Variants in SLC35D4 observed in about 807,000 individuals in gnomAD.
SLC35D4 encodes the protein solute carrier family 35 member D4, also known as UDP-N-acetylglucosamine transporter SLC35D4.
the SLC35D4 span, among the ~76,000 whole-genome samples, chr18:23,322,868 C>G: frequency 6.6e-6 from 1 of 152,174 alleles, no homozygotes; most frequent in Non-Finnish European, 1.5e-5. Context: ...TCAGTGACAA[C>G]CTGGTATGGA....
chr18:23,388,064 C>A, the SLC35D4 span, among the ~76,000 whole-genome samples: 2 of 152,166 alleles, frequency 1.3e-5, no homozygotes, highest in Non-Finnish European at 2.9e-5. Flanking sequence ...GGGGCTGGAT[C>A]TTACTGAATT....
chr18:23,297,873 C>A, the SLC35D4 span: 1 of 1,034,644 alleles, frequency 9.7e-7, no homozygotes, highest in Non-Finnish European at 1.4e-6. Context: ...ATGGCACTGC[C>A]CACCTGGCCT....
At chr18:23,307,531 G>A in the SLC35D4 span, among the ~76,000 whole-genome samples, 2 of 152,340 alleles carry the variant, frequency 1.3e-5, no homozygotes, top group South Asian at 4.1e-4. Context: ...TCCTCATGTG[G>A]TCATAGCCAA....
chr18:23,431,318 A>T, the SLC35D4 span, among the ~76,000 whole-genome samples: 1 of 152,178 alleles, frequency 6.6e-6, no homozygotes. Context: ...GATGTTATAG[A>T]TGCTGGAACA....
chr18:23,371,626 T>C, the SLC35D4 span, among the ~76,000 whole-genome samples: 644 of 152,228 alleles, frequency 4.2e-3, 5 homozygotes, highest in African/African-American at 0.015. Flanking sequence ...TGGTTCCCTC[T>C]CATTCCTCAA....
the SLC35D4 span, among the ~76,000 whole-genome samples, chr18:23,359,478 T>C: frequency 1.3e-5 from 2 of 152,200 alleles, no homozygotes; most frequent in African/African-American, 4.8e-5. Context: ...TGTTGTGTTC[T>C]GCAGTTACAA....
the SLC35D4 span, among the ~76,000 whole-genome samples, chr18:23,308,876 CTGTG>C: frequency 2.1e-5 from 3 of 139,984 alleles, no homozygotes; most frequent in Admixed American, 7.3e-5. Context: ...CTCTCTCTCT[CTGTG>C]TGTGTGTGTG....
At chr18:23,352,079 G>A in the SLC35D4 span, 1 of 758,174 alleles carries the variant, frequency 1.3e-6, no homozygotes, top group Non-Finnish European at 2.1e-6. Flanking sequence ...ATCAGGCTCA[G>A]GGACAGCGCC....
At chr18:23,368,699 G>T in the SLC35D4 span, 1 of 1,325,958 alleles carries the variant, frequency 7.5e-7, no homozygotes, top group South Asian at 1.3e-5. Context: ...CTTTAAAAAT[G>T]TAAATTATAT....
At chr18:23,429,527 T>C in the SLC35D4 span, among the ~76,000 whole-genome samples, 1 of 152,056 alleles carries the variant, frequency 6.6e-6, no homozygotes, top group East Asian at 1.9e-4. Context: ...GAATGTGCCA[T>C]TATGCCTGGC....
chr18:23,291,562 T>C, the SLC35D4 span, among the ~76,000 whole-genome samples: 2 of 152,174 alleles, frequency 1.3e-5, no homozygotes, highest in African/African-American at 4.8e-5. Context: ...ATAGCCTCCT[T>C]CGTGAGTTGA....
At chr18:23,270,918 C>T in the SLC35D4 span, among the ~76,000 whole-genome samples, 1 of 152,152 alleles carries the variant, frequency 6.6e-6, no homozygotes, top group South Asian at 2.1e-4. Flanking sequence ...GCTGAAATGC[C>T]TTAAGACTTT....
the SLC35D4 span, among the ~76,000 whole-genome samples, chr18:23,386,406 A>G: frequency 6.6e-6 from 1 of 152,128 alleles, no homozygotes; most frequent in Non-Finnish European, 1.5e-5. Flanking sequence ...AAGCTGGGCA[A>G]TGCCGTGGCC....
At chr18:23,336,151 T>C in the SLC35D4 span, among the ~76,000 whole-genome samples, 3 of 152,206 alleles carry the variant, frequency 2.0e-5, no homozygotes, top group East Asian at 3.9e-4. Flanking sequence ...ATTTTGACAA[T>C]AGGAAATGGA....
chr18:23,332,669 C>G, the SLC35D4 span, among the ~76,000 whole-genome samples: 1 of 151,398 alleles, frequency 6.6e-6, no homozygotes, highest in Non-Finnish European at 1.5e-5. Context: ...TTTTTTTTCC[C>G]TTTTCTTTAA....
the SLC35D4 span, among the ~76,000 whole-genome samples, chr18:23,436,737 G>A: frequency 6.6e-6 from 1 of 152,128 alleles, no homozygotes; most frequent in Non-Finnish European, 1.5e-5. Flanking sequence ...AGGTTGCAGT[G>A]AGCCGAGATC....
the SLC35D4 span, among the ~76,000 whole-genome samples, chr18:23,306,486 A>G: frequency 6.6e-6 from 1 of 152,096 alleles, no homozygotes; most frequent in African/African-American, 2.4e-5. Context: ...TTGTATTTTT[A>G]GTAGAGACAG....
chr18:23,327,365 G>A, the SLC35D4 span, among the ~76,000 whole-genome samples: 9 of 152,112 alleles, frequency 5.9e-5, no homozygotes, highest in Non-Finnish European at 1.3e-4. Context: ...TGATAAAGGG[G>A]ATATCACCAC....
chr18:23,326,082 G>A, the SLC35D4 span, among the ~76,000 whole-genome samples: 1 of 152,198 alleles, frequency 6.6e-6, no homozygotes, highest in African/African-American at 2.4e-5. Flanking sequence ...AATGCTGGGG[G>A]ACCAGCAATA....
Sources: allele counts gnomAD v4.1 joint callset (sites outside exome capture counted in the v4.1 genomes callset), GRCh38; gene constraint gnomAD v4.1.1; transcripts MANE v1.5; gene names NCBI Gene and HGNC (gene_info 2026-07-23, HGNC 2026-07-21).